Variants in CCNH observed in about 807,000 individuals in gnomAD.
CCNH encodes the protein cyclin H, also known as cyclin-H.
CCNH carries 31 observed loss-of-function variants against 41.9 expected under a neutral mutation model. The ratio of observed to expected loss-of-function variants is 0.74; its 90% CI spans 0.56 to 1.00. CCNH has a LOEUF of 1.00. Among genes scored for constraint, CCNH ranks in the 50% least tolerant of loss-of-function variants. The pLI, the probability that CCNH is intolerant of heterozygous loss-of-function variation, is 0.00. For missense variants in CCNH, 362 were observed against 388.4 expected, an observed-to-expected ratio of 0.93 and a Z score of 0.57; for synonymous variants, 138 against 136.1, an observed-to-expected ratio of 1.01 and a Z score of -0.10.
At chr5:87,399,121 G>A (rs1763193679) in intron 7 of CCNH, among the ~76,000 whole-genome samples, 1 of 152,148 alleles carries the variant, frequency 6.6e-6, no homozygotes, top group Admixed American at 6.5e-5. Context: ...GATTCCTTAG[G>A]AAGACCCTGA....
At chr5:87,388,207 C>T (rs1051879228), downstream of CCNH, among the ~76,000 whole-genome samples, 7 of 152,110 alleles carry the variant, frequency 4.6e-5, no homozygotes, top group Non-Finnish European at 8.8e-5. Context: ...AGTCTTTCAT[C>T]GCTATAAACC....
chr5:87,409,439 T>A, intron 2 of CCNH, 76 bp from the exon 3 acceptor site: 1 of 806,504 alleles, frequency 1.2e-6, no homozygotes. Flanking sequence ...ACAGAACTTA[T>A]TTATGGAAAG....
At chr5:87,403,008 AAAAT>A (rs1047388741) in intron 5 of CCNH, among the ~76,000 whole-genome samples, 2 of 152,202 alleles carry the variant, frequency 1.3e-5, no homozygotes, top group African/African-American at 4.8e-5. Flanking sequence ...TAGCAGATGA[AAAAT>A]AAAGCTCTAA....
intron 9 of CCNH, chr5:87,369,864 C>A: frequency 6.2e-6 from 10 of 1,612,218 alleles, no homozygotes; most frequent in Non-Finnish European, 6.8e-6. Context: ...AACATTACAT[C>A]TTTTACTTTG....
At chr5:87,367,530 C>T (rs1760613896) in intron 9 of CCNH, among the ~76,000 whole-genome samples, 1 of 152,172 alleles carries the variant, frequency 6.6e-6, no homozygotes, top group South Asian at 2.1e-4. Context: ...AGTTGCACAG[C>T]TGTGCAATTT....
chr5:87,392,631 A>G (rs183787414), downstream of CCNH: 1 of 234,452 alleles, frequency 4.3e-6, no homozygotes, highest in South Asian at 4.9e-5. Context: ...TCACACCTCA[A>G]TCTTTAGCCA....
downstream of CCNH, chr5:87,386,999 C>A: frequency 8.5e-7 from 1 of 1,176,646 alleles, no homozygotes; most frequent in Non-Finnish European, 1.2e-6. Context: ...GATTTTCTAT[C>A]CAAAACTAAA....
intron 4 of CCNH, among the ~76,000 whole-genome samples, chr5:87,405,396 G>A (rs925042243): frequency 9.2e-5 from 14 of 152,042 alleles, no homozygotes; most frequent in African/African-American, 2.4e-4. Context: ...AATGAATCTC[G>A]ATTTGATTAG....
At chr5:87,324,977 A>G (rs952844252) in intron 9 of CCNH, among the ~76,000 whole-genome samples, 2 of 152,088 alleles carry the variant, frequency 1.3e-5, no homozygotes, top group Non-Finnish European at 2.9e-5. Flanking sequence ...AACCTTTAGC[A>G]GACTGTATTA....
chr5:87,314,195 T>C (rs1302723147), downstream of CCNH, among the ~76,000 whole-genome samples: 1 of 151,786 alleles, frequency 6.6e-6, no homozygotes, highest in African/African-American at 2.4e-5. Flanking sequence ...AAATAAAAAA[T>C]AAAAAAATAA....
intron 9 of CCNH, chr5:87,366,322 C>A: frequency 2.6e-6 from 1 of 383,274 alleles, no homozygotes. Context: ...AAAGCTTTAG[C>A]ATTATTTTGA....
chr5:87,408,336 T>C, intron 3 of CCNH, 150 bp from the exon 4 acceptor site: 2 of 489,226 alleles, frequency 4.1e-6, no homozygotes, highest in Non-Finnish European at 7.1e-6. Context: ...ATTGCAAGAA[T>C]TGTTTTTTAA....
chr5:87,412,869 C>G lies in CCNH; in HGVS notation c.-75G>C, dbSNP rs1206969531. Reference sequence around the variant, plus strand: ...CATCAGCGTCCTGGCGTAAAACACCCGTACCCCCACCGAAGATCTCGCGGA... The same window carrying G: ...CATCAGCGTCCTGGCGTAAAACACCGGTACCCCCACCGAAGATCTCGCGGA... On this transcript the variant is annotated 5_prime_UTR_variant, in exon 1 of 9. Coordinates refer to ENST00000256897, the MANE Select transcript of CCNH (RefSeq NM_001239.4). The G allele has an allele frequency of 1.3e-6, 2 of 1,566,126 alleles. No individual in the cohort carries two copies. Among genetic ancestry groups the G allele is most frequent in the South Asian group, 1.1e-5 (1 of 88,466 alleles).
intron 9 of CCNH, among the ~76,000 whole-genome samples, chr5:87,323,486 T>C (rs1756982834): frequency 6.6e-6 from 1 of 152,204 alleles, no homozygotes; most frequent in Non-Finnish European, 1.5e-5. Context: ...AAAGGACAGA[T>C]CTGAGAATAT....
intron 9 of CCNH, among the ~76,000 whole-genome samples, chr5:87,366,049 T>C (rs1184351457): frequency 6.6e-6 from 1 of 152,146 alleles, no homozygotes; most frequent in Non-Finnish European, 1.5e-5. Flanking sequence ...AAGAAAAGTT[T>C]TGATAAAAGT....
At chr5:87,341,653 G>A (rs886282018) in intron 9 of CCNH, among the ~76,000 whole-genome samples, 2 of 151,798 alleles carry the variant, frequency 1.3e-5, no homozygotes, top group African/African-American at 4.8e-5. Context: ...AGTATTTCTT[G>A]TTTTATAGCC....
At chr5:87,378,379 T>C (rs201484188), upstream of CCNH, 14 of 1,611,458 alleles carry the variant, frequency 8.7e-6, no homozygotes, top group Non-Finnish European at 1.2e-5. Context: ...AATCTTCTAA[T>C]GTAAATATTT....
chr5:87,327,793 C>T (rs1387037614), intron 9 of CCNH, among the ~76,000 whole-genome samples: 2 of 152,008 alleles, frequency 1.3e-5, no homozygotes, highest in Non-Finnish European at 1.5e-5. Flanking sequence ...GGTGAAACCC[C>T]GTCTCTACTA....
At chr5:87,412,445 A>G (rs1719832802) in intron 1 of CCNH, 2 of 1,384,716 alleles carry the variant, frequency 1.4e-6, no homozygotes, top group Admixed American at 6.0e-5. Flanking sequence ...TCTCTTCTTC[A>G]CTACGTTACA....
Sources: gnomAD v4.1 joint callset for allele counts (sites outside exome capture counted in the v4.1 genomes callset) on GRCh38, gnomAD v4.1.1 for gene constraint, MANE v1.5 for transcripts, NCBI Gene and HGNC (gene_info 2026-07-23, HGNC 2026-07-21) for gene names.